Variants in ABTB2 observed in about 807,000 individuals in gnomAD.
The protein encoded by ABTB2 is ankyrin repeat and BTB domain containing 2, also known as ankyrin repeat and BTB/POZ domain-containing protein 2.
In ABTB2, 56 loss-of-function variants were observed where a neutral mutation model predicts 104.1. That is an observed-to-expected ratio of 0.54 (90% CI 0.43 to 0.67). The LOEUF (loss-of-function observed/expected upper bound fraction) is 0.67. Among genes scored for constraint, ABTB2 ranks in the 30% least tolerant of loss-of-function variants. The probability of loss-of-function intolerance (pLI) is 0.00; values close to 1 mark genes in which losing one functional copy is unlikely to be tolerated. For missense variants in ABTB2, 1,279 were observed against 1,407.7 expected, an observed-to-expected ratio of 0.91 and a Z score of 1.46; for synonymous variants, 606 against 608.2, an observed-to-expected ratio of 1.00 and a Z score of 0.05.
chr11:34,210,048 G>A (rs1036804418), intron 1 of ABTB2, among the ~76,000 whole-genome samples: 2 of 152,054 alleles, frequency 1.3e-5, no homozygotes, highest in East Asian at 1.9e-4. Flanking sequence ...GTTGCCAACC[G>A]GGACGTGAGC....
In ABTB2 at chr11:34,275,161, A is replaced by T. The variant is rs188653101; in HGVS notation, c.884-70471T>A. 4.4e-3 allele frequency among the ~76,000 whole-genome samples: 673 copies of T among 152,322 alleles called. 26 individuals carry two copies. The highest frequency in any genetic ancestry group is 4.0e-4 in the Non-Finnish European group (27 of 68,028). On this transcript the variant is annotated intron_variant, in intron 1 of 16. Transcript: ENST00000435224. The stretch of plus-strand genomic sequence containing the variant: ...CCCTTCCCCAAACCCAACAGGAAAC[A>T]TCAGATTCCATCATTTGTAATCTAT...
At chr11:34,342,312 T>C (rs1482202854) in intron 1 of ABTB2, among the ~76,000 whole-genome samples, 2 of 152,214 alleles carry the variant, frequency 1.3e-5, no homozygotes, top group African/African-American at 4.8e-5. Context: ...AATGTTACTA[T>C]TTTCAGGCCC....
chr11:34,163,498 G>C (rs1590203400), intron 9 of ABTB2, among the ~76,000 whole-genome samples: 1 of 152,230 alleles, frequency 6.6e-6, no homozygotes, highest in East Asian at 1.9e-4. Flanking sequence ...CACTCCAGGT[G>C]GGGGTACAGA....
chr11:34,330,392 GCA>G (rs1855114220), intron 1 of ABTB2, among the ~76,000 whole-genome samples: 1 of 152,172 alleles, frequency 6.6e-6, no homozygotes, highest in African/African-American at 2.4e-5. Context: ...GAGTATTGTT[GCA>G]CAGAGTTATT....
intron 11 of ABTB2, 27 bp from the exon 12 acceptor site, chr11:34,160,380 G>T (rs1254371536): frequency 6.5e-7 from 1 of 1,546,762 alleles, no homozygotes; most frequent in East Asian, 2.2e-5. Context: ...GAGGGCCTGT[G>T]AGCTGCCCGC....
chr11:34,167,461 G>A, intron 6 of ABTB2, 101 bp from the exon 7 acceptor site: 5 of 941,418 alleles, frequency 5.3e-6, no homozygotes, highest in South Asian at 1.5e-5. Context: ...TTCTACATTC[G>A]ATTGATAATG....
At chr11:34,268,401 T>A (rs1310452097) in intron 1 of ABTB2, among the ~76,000 whole-genome samples, 1 of 152,138 alleles carries the variant, frequency 6.6e-6, no homozygotes, top group Non-Finnish European at 1.5e-5. Flanking sequence ...ATGCTAGGGA[T>A]GGGGACAGGA....
intron 3 of ABTB2, among the ~76,000 whole-genome samples, chr11:34,180,027 A>C (rs1731793986): frequency 1.3e-5 from 2 of 152,206 alleles, no homozygotes; most frequent in South Asian, 4.1e-4. Context: ...TATTATTACT[A>C]GTTTAGTGTC....
intron 1 of ABTB2, among the ~76,000 whole-genome samples, chr11:34,318,609 G>A (rs1854967712): frequency 6.6e-6 from 1 of 152,144 alleles, no homozygotes; most frequent in South Asian, 2.1e-4. Context: ...AATACACAAT[G>A]ACGTCATAAT....
intron 8 of ABTB2, 83 bp downstream of exon 8, chr11:34,165,177 C>G: frequency 7.7e-7 from 1 of 1,301,252 alleles, no homozygotes; most frequent in Non-Finnish European, 1.1e-6. Flanking sequence ...AAAGAGACCC[C>G]TGCACGTCCA....
rs189290483 is a variant in ABTB2 at position 34,284,111 on chromosome 11, G to T, written c.883+72590C>A. Among the ~76,000 whole-genome samples the T allele has an allele frequency of 3.3e-5, 5 of 152,332 alleles. No individual in the cohort carries two copies. In the East Asian group the frequency reaches 9.6e-4, roughly 29 times the overall value. ...GTCTGCATTTCTAACGAGCCCCCAG[G>T]TAATGCCGATGCTGCTGGTGCAGAG... On this transcript the variant is annotated intron_variant, in intron 1 of 16. Transcript: ENST00000435224.
In ABTB2 at chr11:34,161,220, C is replaced by T. The variant is rs1388349065; in HGVS notation, c.2219-139G>A. ...ACCCCGCCCGCCCCCTCCCGCCTGC[C>T]CCCTTCCTGGGCATGGAGTGGCCCT... On this transcript the variant is annotated intron_variant, in intron 10 of 16. Transcript: ENST00000435224. The T allele has an allele frequency of 3.6e-6, 3 of 835,510 alleles. No individual in the cohort carries two copies. In the East Asian group the frequency reaches 8.9e-5, roughly 25 times the overall value. 51.8% of individuals were successfully genotyped at this position (835,510 alleles called of 1,614,324 possible). A position where few individuals can be genotyped will look rare whatever the true frequency, so the allele number is the denominator to read the frequency against.
Position 34,357,867 on chromosome 11 carries a change from A to C in ABTB2, c.-284T>G. 2.6e-6 allele frequency: 1 copy of C among 381,420 alleles called. No individual in the cohort carries two copies. The highest frequency in any genetic ancestry group is 4.4e-5 in the East Asian group (1 of 22,474). 23.6% of individuals were successfully genotyped at this position (381,420 alleles called of 1,614,324 possible). A position where few individuals can be genotyped will look rare whatever the true frequency, so the allele number is the denominator to read the frequency against. ...TCCCCCTTGTCCACCTCTAATTCCC[A>C]CAAGCAGAGAGTCAGTCCTCCACAG... On this transcript the variant is annotated 5_prime_UTR_variant, in exon 1 of 17. Coordinates refer to ENST00000435224, the MANE Select transcript of ABTB2 (RefSeq NM_145804.3).
chr11:34,331,855 T>C (rs1182878112), intron 1 of ABTB2, among the ~76,000 whole-genome samples: 10 of 152,198 alleles, frequency 6.6e-5, no homozygotes, highest in Non-Finnish European at 7.4e-5. Context: ...TGTTAAGTAG[T>C]TCAGTAAAAG....
At chr11:34,295,958 C>T (rs565496369) in intron 1 of ABTB2, among the ~76,000 whole-genome samples, 14 of 152,304 alleles carry the variant, frequency 9.2e-5, no homozygotes, top group Middle Eastern at 3.4e-3. Flanking sequence ...CAGTCCATAA[C>T]AGGCTAAAAA....
chr11:34,201,336 A>G (rs999066026), intron 2 of ABTB2, among the ~76,000 whole-genome samples: 3 of 152,184 alleles, frequency 2.0e-5, no homozygotes, highest in African/African-American at 7.2e-5. Context: ...ACCTCTCATT[A>G]TGAGCCATCA....
intron 1 of ABTB2, among the ~76,000 whole-genome samples, chr11:34,263,679 C>T (rs1470693640): frequency 6.6e-6 from 1 of 152,174 alleles, no homozygotes; most frequent in East Asian, 1.9e-4. Context: ...AGCCCAGGGA[C>T]TCATTCCCTA....
chr11:34,159,838 C>T (rs1852683037), intron 13 of ABTB2, 68 bp downstream of exon 13: 2 of 1,297,648 alleles, frequency 1.5e-6, no homozygotes, highest in Non-Finnish European at 2.2e-6. Flanking sequence ...CACTCTCTGT[C>T]ACCTGGAATC....
chr11:34,246,399 C>T (rs905270446), intron 1 of ABTB2, among the ~76,000 whole-genome samples: 3 of 151,890 alleles, frequency 2.0e-5, no homozygotes, highest in Admixed American at 1.3e-4. Context: ...GTTGGGAGTT[C>T]GAGACCAGCC....
Sources: gnomAD v4.1 joint callset for allele counts (sites outside exome capture counted in the v4.1 genomes callset) on GRCh38, gnomAD v4.1.1 for gene constraint, MANE v1.5 for transcripts, NCBI Gene and HGNC (gene_info 2026-07-23, HGNC 2026-07-21) for gene names.